PCDHA3: variants seen among roughly 807,000 people sequenced by gnomAD.
PCDHA3 encodes the protein protocadherin alpha-3.
In PCDHA3, 41 loss-of-function variants were observed where a neutral mutation model predicts 62.2. That is an observed-to-expected ratio of 0.66 (90% confidence interval 0.51 to 0.86). PCDHA3 has a LOEUF of 0.86. PCDHA3 is among the 40% of genes least tolerant of loss of function. The pLI is 0.00. For synonymous variants in PCDHA3, 640 were observed against 555.4 expected, an observed-to-expected ratio of 1.15 and a Z score of -2.14; for missense variants, 1,304 against 1,241.2, an observed-to-expected ratio of 1.05 and a Z score of -0.76.
chr5:140,982,267 A>T, intron 2 of PCDHA3: 4 of 883,458 alleles, frequency 4.5e-6, no homozygotes, highest in Non-Finnish European at 6.5e-6. Context: ...GTGTTCCTGG[A>T]ATAGTATAGC....
chr5:140,927,422 T>G, intron 1 of PCDHA3: 1 of 1,614,028 alleles, frequency 6.2e-7, no homozygotes. Context: ...GGATCGCGGG[T>G]TGACGGCAGC....
At chr5:140,855,950 C>G (rs1468443604) in intron 1 of PCDHA3, 1 of 1,363,922 alleles carries the variant, frequency 7.3e-7, no homozygotes, top group Non-Finnish European at 1.0e-6. Flanking sequence ...TCAGCCATTT[C>G]GATAAAAAAT....
At chr5:140,911,312 T>C (rs2075424091) in intron 1 of PCDHA3, among the ~76,000 whole-genome samples, 1 of 152,154 alleles carries the variant, frequency 6.6e-6, no homozygotes, top group African/African-American at 2.4e-5. Context: ...CCATTCCAAG[T>C]TTCAGGATCC....
chr5:140,882,717 C>G (rs1311295002), intron 1 of PCDHA3: 1 of 1,614,102 alleles, frequency 6.2e-7, no homozygotes, highest in South Asian at 1.1e-5. Flanking sequence ...CCTCCGGAAA[C>G]TCGATTTCCA....
intron 1 of PCDHA3, among the ~76,000 whole-genome samples, chr5:140,923,134 G>A (rs962370475): frequency 3.9e-5 from 6 of 152,106 alleles, no homozygotes; most frequent in African/African-American, 1.2e-4. Flanking sequence ...CACTTTGAAG[G>A]TGGAATATAA....
chr5:140,954,652 T>C (rs541171307), intron 1 of PCDHA3, among the ~76,000 whole-genome samples: 24 of 152,356 alleles, frequency 1.6e-4, no homozygotes, highest in African/African-American at 5.8e-4. Flanking sequence ...TTTAAGTTCC[T>C]TGTAGACTCT....
chr5:140,952,615 C>T (rs572552032), intron 1 of PCDHA3, among the ~76,000 whole-genome samples: 1 of 152,288 alleles, frequency 6.6e-6, no homozygotes, highest in East Asian at 1.9e-4. Context: ...TCTCCCTCAT[C>T]TTCCCTCCAC....
chr5:140,989,422 TG>T (rs1554250798), intron 3 of PCDHA3, among the ~76,000 whole-genome samples: 2 of 152,128 alleles, frequency 1.3e-5, no homozygotes, highest in African/African-American at 4.8e-5. Flanking sequence ...CTTCACTCTG[TG>T]GGAAAAATTG....
In PCDHA3 at chr5:140,857,222, G is replaced by T. The variant is rs373834853; in HGVS notation, c.2394+53631G>T. ...GGTCACCTGCTCTCTGACGCCTCAC[G>T]TTCCGTTCAAGCTGGTGTCCACCTA... On this transcript the variant is annotated intron_variant, in intron 1 of 3. Coordinates refer to ENST00000522353, the MANE Select transcript of PCDHA3 (RefSeq NM_018906.3). 4 of 1,598,456 alleles carry T rather than the reference G, an allele frequency of 2.5e-6. No individual in the cohort carries two copies. Among genetic ancestry groups the T allele is most frequent in the African/African-American group, 2.7e-5 (2 of 74,394 alleles).
Position 140,841,112 on chromosome 5 carries a change from C to A in PCDHA3, c.2394+37521C>A, listed in dbSNP as rs190685960. The A allele has an allele frequency of 8.3e-6, 5 of 602,150 alleles. No individual in the cohort carries two copies. In the East Asian group the frequency reaches 1.4e-4, roughly 17 times the overall value. 37.3% of individuals were successfully genotyped at this position (602,150 alleles called of 1,614,324 possible). On this transcript the variant is annotated intron_variant, in intron 1 of 3. Transcript: ENST00000522353. ...GAACCCAGATATTGCGGAAGTAATT[C>A]ATGTAATCATTACCTTTTGAAGCCA... is the stretch of plus-strand genomic sequence containing the variant.
intron 1 of PCDHA3, among the ~76,000 whole-genome samples, chr5:140,905,814 G>T (rs1303983123): frequency 6.6e-6 from 1 of 152,090 alleles, no homozygotes; most frequent in Non-Finnish European, 1.5e-5. Flanking sequence ...GAATTAATAG[G>T]CTAGATGTGT....
At chr5:140,941,412 G>A (rs246068) in intron 1 of PCDHA3, among the ~76,000 whole-genome samples, 46,949 of 148,492 alleles carry the variant, frequency 0.32, 7,794 homozygotes, top group East Asian at 0.53. Context: ...CGCCTCCCGG[G>A]TTCAAGCAAT....
At chr5:140,945,200 A>G (rs2093757745) in intron 1 of PCDHA3, among the ~76,000 whole-genome samples, 1 of 152,168 alleles carries the variant, frequency 6.6e-6, no homozygotes, top group South Asian at 2.1e-4. Context: ...GCTATTTACA[A>G]TAGCTATGAG....
chr5:140,801,234 T>TA lies in PCDHA3; in HGVS notation c.37_38insA (p.Cys13Ter). The TA allele has an allele frequency of 6.2e-7, 1 of 1,612,804 alleles. No individual in the cohort carries two copies. The highest frequency in any genetic ancestry group is 8.5e-7 in the Non-Finnish European group (1 of 1,179,098). Residue 13 changes from cysteine to a stop codon, truncating the protein, a stop_gained and frameshift_variant, in exon 1 of 4, where the codon TGC (cysteine) becomes TAGC (stop). Transcript: ENST00000522353. LOFTEE classifies it high-confidence loss of function. ...FSWREDPGAQ[C>*]LLLSLLLLAA... ...CTGGCGAGAAGATCCTGGAGCCCAG[T>TA]GCCTGCTGCTTTCTCTTCTGCTCCT...
intron 1 of PCDHA3, among the ~76,000 whole-genome samples, chr5:140,974,729 G>C (rs1007565470): frequency 2.6e-5 from 4 of 152,032 alleles, no homozygotes; most frequent in African/African-American, 9.7e-5. Flanking sequence ...TCGAACTCCT[G>C]TCTCCACCTT....
intron 3 of PCDHA3, among the ~76,000 whole-genome samples, chr5:140,985,173 G>A (rs939430246): frequency 1.3e-5 from 2 of 152,154 alleles, no homozygotes; most frequent in Admixed American, 6.5e-5. Flanking sequence ...TCCTGACCTC[G>A]TAATCCGCCT....
intron 1 of PCDHA3, chr5:140,835,817 G>T (rs2150245565): frequency 1.9e-6 from 3 of 1,612,632 alleles, no homozygotes; most frequent in Admixed American, 1.7e-5. Flanking sequence ...TCACTGTGTC[G>T]GCGGGGGACG....
intron 1 of PCDHA3, among the ~76,000 whole-genome samples, chr5:140,941,215 C>CTTT (rs782548958): frequency 2.3e-4 from 24 of 104,510 alleles, no homozygotes; most frequent in African/African-American, 3.3e-4. Context: ...TTCTTTCTTC[C>CTTT]TTTCTTTCTT....
chr5:140,885,861 A>G (rs1329895164), intron 1 of PCDHA3, among the ~76,000 whole-genome samples: 1 of 152,104 alleles, frequency 6.6e-6, no homozygotes, highest in African/African-American at 2.4e-5. Context: ...CTACTTTTCT[A>G]TTGAAAAAAA....
Sources: allele counts gnomAD v4.1 joint callset (sites outside exome capture counted in the v4.1 genomes callset), GRCh38; gene constraint gnomAD v4.1.1; transcripts MANE v1.5; gene names NCBI Gene and HGNC (gene_info 2026-07-23, HGNC 2026-07-21).